Variants in DMD observed in about 807,000 individuals in gnomAD.
The protein encoded by DMD is dystrophin.
In DMD, 63 loss-of-function variants were observed where a neutral mutation model predicts 330.1. That is an observed-to-expected ratio of 0.19 (90% CI 0.16 to 0.24). DMD has a LOEUF of 0.24. Ranked by LOEUF, DMD falls within the 10% of genes least tolerant of loss-of-function variation. The probability of loss-of-function intolerance (pLI) is 1.00; values close to 1 mark genes in which losing one functional copy is unlikely to be tolerated. For missense variants in DMD, 3,344 were observed against 2,684.1 expected (o/e 1.25, Z -5.43); for synonymous variants, 1,223 against 959.8 (o/e 1.27, Z -5.07).
chrX:32,830,327 T>A (rs987789133), intron 4 of DMD, among the ~76,000 whole-genome samples: 1 of 111,803 alleles, frequency 8.9e-6, no homozygotes, highest in Non-Finnish European at 1.9e-5. Context: ...TCCAGAATTA[T>A]GTCTTTCAAG....
chrX:31,511,565 G>C (rs1344685562), intron 55 of DMD, among the ~76,000 whole-genome samples: 6 of 99,016 alleles, frequency 6.1e-5, no homozygotes, highest in African/African-American at 2.3e-4. Flanking sequence ...TCCCACCTAT[G>C]AGTGAGAATA....
intron 60 of DMD, among the ~76,000 whole-genome samples, chrX:31,409,137 A>G (rs188808439): frequency 0.024 from 2,621 of 111,374 alleles, 75 homozygotes; most frequent in African/African-American, 0.08. Context: ...ATGGCTGCAT[A>G]GTATTCTCTG....
chrX:31,212,178 ATGTG>A (rs377234015), intron 64 of DMD, among the ~76,000 whole-genome samples: 1,046 of 75,284 alleles, frequency 0.014, 6 homozygotes, highest in Admixed American at 0.027. Context: ...GTGTGTGTGT[ATGTG>A]TGTGTGTGTG....
chrX:32,879,785 T>C (rs1012107148), intron 2 of DMD, among the ~76,000 whole-genome samples: 11 of 111,478 alleles, frequency 9.9e-5, no homozygotes, highest in Non-Finnish European at 2.1e-4. Context: ...TCTACTTCCA[T>C]TCCCTCTAAC....
At chrX:31,176,869 T>C (rs1166775319) in intron 71 of DMD, among the ~76,000 whole-genome samples, 4 of 111,535 alleles carry the variant, frequency 3.6e-5, no homozygotes, top group African/African-American at 1.3e-4. Flanking sequence ...TTTAGGCCTA[T>C]TAAAGACTGA....
At chrX:32,496,290 G>A (rs1299870314) in intron 19 of DMD, among the ~76,000 whole-genome samples, 1 of 111,324 alleles carries the variant, frequency 9.0e-6, no homozygotes, top group Non-Finnish European at 1.9e-5. Context: ...CTAATAAACA[G>A]TCTCCTATTT....
At chrX:31,178,257 C>G (rs2040758511) in intron 70 of DMD, 2 of 750,094 alleles carry the variant, frequency 2.7e-6, no homozygotes, top group Admixed American at 1.8e-4. Context: ...ACTATATTTT[C>G]TTTTGAGTAG....
chrX:32,033,346 A>C lies in DMD; in HGVS notation c.6439-64832T>G, dbSNP rs191161694. On this transcript the variant is annotated intron_variant, in intron 44 of 78. Coordinates refer to ENST00000357033, the MANE Select transcript of DMD (RefSeq NM_004006.3). ...TAGAGTCAATAATAATGTATTGTGC[A>C]TGTAGTATTTATTAAGATGATAGAT... Among the ~76,000 whole-genome samples the C allele has an allele frequency of 5.4e-5, 6 of 110,606 alleles. No homozygotes were observed. In the South Asian group the frequency reaches 2.3e-3, roughly 42 times the overall value.
chrX:32,999,646 C>G (rs751676287), intron 2 of DMD, among the ~76,000 whole-genome samples: 2 of 110,443 alleles, frequency 1.8e-5, no homozygotes, highest in South Asian at 3.9e-4. Context: ...TGTGGTGGCA[C>G]GTGCCTGTAG....
At chrX:32,730,421 G>C (rs1479024752) in intron 7 of DMD, among the ~76,000 whole-genome samples, 2 of 112,026 alleles carry the variant, frequency 1.8e-5, no homozygotes, top group Non-Finnish European at 3.8e-5. Context: ...TTTAAAATAT[G>C]TCAGGTAACA....
intron 52 of DMD, among the ~76,000 whole-genome samples, chrX:31,682,568 C>G (rs2082440252): frequency 8.9e-6 from 1 of 112,212 alleles, no homozygotes; most frequent in South Asian, 3.7e-4. Context: ...ATTCCAATTA[C>G]AAACCCTTTT....
At chrX:32,957,040 G>T (rs182089505) in intron 2 of DMD, among the ~76,000 whole-genome samples, 3 of 111,427 alleles carry the variant, frequency 2.7e-5, no homozygotes, top group Non-Finnish European at 3.8e-5. Context: ...AAAATTATAA[G>T]TTGCTTTCTA....
chrX:31,253,234 T>C (rs1297111690), intron 63 of DMD, among the ~76,000 whole-genome samples: 1 of 112,211 alleles, frequency 8.9e-6, no homozygotes, highest in Admixed American at 9.4e-5. Flanking sequence ...AAAGCTGGCA[T>C]CTGAATCTAG....
At chrX:31,751,322 T>C (rs761488334) in intron 51 of DMD, among the ~76,000 whole-genome samples, 149 of 111,339 alleles carry the variant, frequency 1.3e-3, no homozygotes, top group African/African-American at 4.8e-3. Context: ...TAAGGTCTCT[T>C]CCCAAGCAAC....
chrX:31,779,743 C>T (rs753295106), intron 50 of DMD, among the ~76,000 whole-genome samples: 2 of 106,963 alleles, frequency 1.9e-5, no homozygotes, highest in Admixed American at 9.9e-5. Context: ...AGAGACAGAG[C>T]AAGAGAGAGA....
chrX:32,740,033 T>C (rs1347706330), intron 7 of DMD, among the ~76,000 whole-genome samples: 1 of 109,861 alleles, frequency 9.1e-6, no homozygotes, highest in African/African-American at 3.3e-5. Context: ...TGCCTACTTG[T>C]ACTTTGATAT....
intron 33 of DMD, among the ~76,000 whole-genome samples, chrX:32,383,522 A>G: frequency 9.0e-6 from 1 of 111,362 alleles, no homozygotes. Flanking sequence ...AGAATATAGG[A>G]CTTACAGCAT....
At chrX:31,677,633 A>G (rs1012640012) in intron 53 of DMD, among the ~76,000 whole-genome samples, 19 of 112,296 alleles carry the variant, frequency 1.7e-4, no homozygotes, top group Admixed American at 2.8e-4. Flanking sequence ...TAATTCATCT[A>G]TGCTCATCCA....
intron 60 of DMD, among the ~76,000 whole-genome samples, chrX:31,362,460 A>T: frequency 8.9e-6 from 1 of 112,434 alleles, no homozygotes; most frequent in East Asian, 2.8e-4. Flanking sequence ...AATATAAATG[A>T]ATTTCATGTT....
Sources: gnomAD v4.1 joint callset for allele counts (sites outside exome capture counted in the v4.1 genomes callset) on GRCh38, gnomAD v4.1.1 for gene constraint, MANE v1.5 for transcripts, NCBI Gene and HGNC (gene_info 2026-07-23, HGNC 2026-07-21) for gene names.